TAF4: variants seen among roughly 807,000 people sequenced by gnomAD.
TAF4 encodes the protein transcription initiation factor TFIID subunit 4.
Under a neutral mutation model 90.3 loss-of-function variants are expected in TAF4, and 9 were observed. The ratio of observed to expected loss-of-function variants is 0.10; its 90% CI spans 0.06 to 0.17. The LOEUF is 0.17. Among genes scored for constraint, TAF4 ranks in the 10% least tolerant of loss-of-function variants. TAF4 has a pLI of 1.00. For missense variants in TAF4, 1,351 were observed against 1,370.7 expected (o/e 0.99, Z 0.23); for synonymous variants, 818 against 638.9 (o/e 1.28, Z -4.23).
At chr20:61,998,376 A>T (rs1440606884) in intron 12 of TAF4, among the ~76,000 whole-genome samples, 184 bp from the exon 13 acceptor site, 2 of 152,240 alleles carry the variant, frequency 1.3e-5, no homozygotes, top group African/African-American at 2.4e-5. Flanking sequence ...AAAAGCCAGT[A>T]ATCTTGAGAA....
At chr20:62,005,079 A>C (rs2055735558) in intron 7 of TAF4, 1 of 152,364 alleles carries the variant, frequency 6.6e-6, no homozygotes, top group Non-Finnish European at 1.5e-5. Flanking sequence ...AGCGGCCTAT[A>C]ATGCAAACAT....
chr20:62,044,100 G>C (rs1047486441), intron 1 of TAF4, among the ~76,000 whole-genome samples: 1 of 152,122 alleles, frequency 6.6e-6, no homozygotes, highest in Non-Finnish European at 1.5e-5. Flanking sequence ...TTTTTGCCTT[G>C]GCAGAGAAAA....
chr20:62,040,441 C>G (rs574320234), intron 1 of TAF4, among the ~76,000 whole-genome samples: 1 of 152,336 alleles, frequency 6.6e-6, no homozygotes, highest in African/African-American at 2.4e-5. Context: ...ACAGCAGCAG[C>G]TCAGTGGCTG....
chr20:62,039,609 T>C (rs2055952709), intron 1 of TAF4, among the ~76,000 whole-genome samples: 1 of 152,244 alleles, frequency 6.6e-6, no homozygotes, highest in African/African-American at 2.4e-5. Context: ...ACTGGATTTA[T>C]TTAAGAAGGC....
intron 14 of TAF4, among the ~76,000 whole-genome samples, chr20:61,993,898 GCC>G (rs2055647213): frequency 6.6e-6 from 1 of 152,112 alleles, no homozygotes; most frequent in African/African-American, 2.4e-5. Context: ...AAATACAGGT[GCC>G]TACCACCACG....
At chr20:61,983,814 T>C (rs890941446) in intron 14 of TAF4, among the ~76,000 whole-genome samples, 40 of 152,112 alleles carry the variant, frequency 2.6e-4, no homozygotes, top group African/African-American at 9.2e-4. Context: ...CCAAACCATA[T>C]GCTACAGAGA....
intron 1 of TAF4, among the ~76,000 whole-genome samples, chr20:62,018,287 G>C (rs2055823930): frequency 6.6e-6 from 1 of 152,216 alleles, no homozygotes; most frequent in Admixed American, 6.5e-5. Context: ...ACTGTGTGAT[G>C]ATCTGAGGAC....
At chr20:62,054,136 G>A (rs1305428059) in intron 1 of TAF4, among the ~76,000 whole-genome samples, 1 of 152,228 alleles carries the variant, frequency 6.6e-6, no homozygotes, top group African/African-American at 2.4e-5. Context: ...GAAAGCCCCT[G>A]TGCTTTAGTG....
At chr20:62,023,147 T>TA (rs150501170) in intron 1 of TAF4, among the ~76,000 whole-genome samples, 5,269 of 152,118 alleles carry the variant, frequency 0.035, 310 homozygotes, top group African/African-American at 0.12. Flanking sequence ...AACACAACTG[T>TA]AAAAAAAGGT....
At chr20:62,047,989 C>T (rs1261228692) in intron 1 of TAF4, among the ~76,000 whole-genome samples, 2 of 152,150 alleles carry the variant, frequency 1.3e-5, no homozygotes, top group Non-Finnish European at 2.9e-5. Flanking sequence ...AGACCTAGCT[C>T]CCCAGCACCC....
chr20:62,061,535 C>A (rs564838299), intron 1 of TAF4, among the ~76,000 whole-genome samples: 2 of 152,310 alleles, frequency 1.3e-5, no homozygotes, highest in African/African-American at 4.8e-5. Context: ...ATTTGCCAGG[C>A]CAAAAGATAA....
chr20:62,055,615 CAG>C (rs1232049303), intron 1 of TAF4, among the ~76,000 whole-genome samples: 1 of 151,446 alleles, frequency 6.6e-6, no homozygotes, highest in African/African-American at 2.4e-5. Context: ...TTCACACTAT[CAG>C]AGGGCAGCCC....
intron 1 of TAF4, among the ~76,000 whole-genome samples, chr20:62,022,199 G>A (rs1239223702): frequency 6.6e-6 from 1 of 152,210 alleles, no homozygotes; most frequent in Non-Finnish European, 1.5e-5. Context: ...GATGGTTTCT[G>A]TCCAGGAAAA....
intron 1 of TAF4, among the ~76,000 whole-genome samples, chr20:62,037,017 C>T (rs995768710): frequency 2.0e-5 from 3 of 152,224 alleles, no homozygotes; most frequent in African/African-American, 4.8e-5. Flanking sequence ...TTGCACTTCC[C>T]AGGACTGTGA....
intron 1 of TAF4, among the ~76,000 whole-genome samples, chr20:62,051,298 G>A (rs569599498): frequency 6.6e-6 from 1 of 152,260 alleles, no homozygotes; most frequent in Admixed American, 6.5e-5. Context: ...CACCCAGGGT[G>A]CTCAGCTCTT....
intron 1 of TAF4, among the ~76,000 whole-genome samples, chr20:62,040,871 G>A (rs769811707): frequency 1.3e-5 from 2 of 152,214 alleles, no homozygotes; most frequent in Admixed American, 6.5e-5. Flanking sequence ...ACGTATGTTC[G>A]CACAAAGGCT....
At chr20:61,993,113 G>A (rs1157719766) in intron 14 of TAF4, among the ~76,000 whole-genome samples, 1 of 152,178 alleles carries the variant, frequency 6.6e-6, no homozygotes, top group Non-Finnish European at 1.5e-5. Flanking sequence ...AGTAGTGGAG[G>A]AAGAGTCTCC....
Position 62,006,487 on chromosome 20 carries a change from C to T in TAF4, c.2223+23G>A, listed in dbSNP as rs557114433. 28 of 1,474,866 alleles carry T rather than the reference C, an allele frequency of 1.9e-5. No individual in the cohort carries two copies. The South Asian group carries it at 3.4e-4, about 18-fold the overall frequency. 91.4% of individuals were successfully genotyped at this position (1,474,866 alleles called of 1,614,324 possible). Reference sequence around the variant, plus strand: ...GCAGAGGCACGGTGGGCTGTGCAGACCAGTCAGGCGCCCCTTCCATACCAG... The same window carrying T: ...GCAGAGGCACGGTGGGCTGTGCAGATCAGTCAGGCGCCCCTTCCATACCAG... On this transcript the variant is annotated intron_variant, in intron 7 of 14. Coordinates refer to ENST00000252996, the MANE Select transcript of TAF4 (RefSeq NM_003185.4). The surrounding 1 kb of genome is among the most constrained non-coding windows in gnomAD (Gnocchi z 7.0).
intron 1 of TAF4, among the ~76,000 whole-genome samples, chr20:62,055,876 AC>A (rs896361035): frequency 1.3e-5 from 2 of 151,418 alleles, no homozygotes. Flanking sequence ...TCAGCCTGGG[AC>A]CCCCCACAGC....
Sources: gnomAD v4.1 joint callset for allele counts (sites outside exome capture counted in the v4.1 genomes callset) on GRCh38, gnomAD v4.1.1 for gene constraint, Gnocchi (gnomAD v3.1) non-coding constraint, MANE v1.5 for transcripts, NCBI Gene and HGNC (gene_info 2026-07-23, HGNC 2026-07-21) for gene names.